Variants in EML6 observed in about 807,000 individuals in gnomAD.
EML6 encodes the protein EMAP like 6.
EML6 carries 154 observed loss-of-function variants against 240.1 expected under a neutral mutation model. The ratio of observed to expected loss-of-function variants is 0.64; its 90% CI spans 0.56 to 0.73. EML6 has a LOEUF of 0.73. Among genes scored for constraint, EML6 ranks in the 30% least tolerant of loss-of-function variants. EML6 has a pLI of 0.00. For missense variants in EML6, 2,964 were observed against 2,474.6 expected (o/e 1.20, Z -4.20); for synonymous variants, 1,148 against 899.0 (o/e 1.28, Z -4.95).
At chr2:54,834,323 A>G (rs1669022648) in intron 7 of EML6, among the ~76,000 whole-genome samples, 1 of 152,216 alleles carries the variant, frequency 6.6e-6, no homozygotes, top group South Asian at 2.1e-4. Flanking sequence ...TGGGTAAAAT[A>G]ATGAAGCTTG....
intron 9 of EML6, among the ~76,000 whole-genome samples, chr2:54,848,524 T>TACGCACACACACACACACACACACAC (rs1553395941): frequency 6.9e-6 from 1 of 145,744 alleles, no homozygotes; most frequent in African/African-American, 2.5e-5. Context: ...GCTTCCACAC[T>TACGCACACACACACACACACACACAC]ACACACACAC....
chr2:54,928,896 C>T (rs749344201), intron 28 of EML6, 145 bp downstream of exon 28: 75 of 986,516 alleles, frequency 7.6e-5, no homozygotes, highest in Non-Finnish European at 1.1e-4. Flanking sequence ...TGTACACAGG[C>T]TTAAGCTGAG....
At chr2:54,789,463 G>C (rs1157691333) in intron 2 of EML6, among the ~76,000 whole-genome samples, 2 of 126,116 alleles carry the variant, frequency 1.6e-5, no homozygotes, top group Admixed American at 1.0e-4. Flanking sequence ...GCAGTGAGCC[G>C]AGATTACGCC....
At chr2:54,783,018 C>G (rs1460590779) in intron 2 of EML6, among the ~76,000 whole-genome samples, 1 of 152,222 alleles carries the variant, frequency 6.6e-6, no homozygotes, top group Admixed American at 6.5e-5. Context: ...TTATTGCTGT[C>G]ATTGCCCAAT....
intron 12 of EML6, among the ~76,000 whole-genome samples, chr2:54,862,011 C>G (rs1670699067): frequency 6.6e-6 from 1 of 151,960 alleles, no homozygotes; most frequent in Non-Finnish European, 1.5e-5. Context: ...TTTAAAACTA[C>G]TCAATGAGTT....
At chr2:54,778,459 C>T (rs924950272) in intron 2 of EML6, among the ~76,000 whole-genome samples, 7 of 152,172 alleles carry the variant, frequency 4.6e-5, no homozygotes, top group Non-Finnish European at 7.3e-5. Context: ...CCTCAAAAGT[C>T]AGCTACGTTT....
chr2:54,846,918 G>A (rs1038118421), intron 8 of EML6, among the ~76,000 whole-genome samples: 2 of 97,008 alleles, frequency 2.1e-5, no homozygotes, highest in South Asian at 4.8e-4. Flanking sequence ...TTTGTATGAA[G>A]TAGTATTTTT....
Position 54,869,172 on chromosome 2 carries a change from G to T in EML6, c.2052-9G>T. The T allele has an allele frequency of 6.5e-7, 1 of 1,540,874 alleles. No homozygotes were observed. Among genetic ancestry groups the T allele is most frequent in the Non-Finnish European group, 8.8e-7 (1 of 1,138,836 alleles). Reference sequence around the variant, plus strand: ...CAACCACTATGCATTTCTTGGACCTGTGCTTCAGTTATAGAGGCTACGACT... The same window carrying T: ...CAACCACTATGCATTTCTTGGACCTTTGCTTCAGTTATAGAGGCTACGACT... On this transcript the variant is annotated splice_polypyrimidine_tract_variant and intron_variant, in intron 14 of 41. Transcript: ENST00000356458.
chr2:54,918,412 G>A (rs553080123), intron 26 of EML6, among the ~76,000 whole-genome samples: 10 of 152,242 alleles, frequency 6.6e-5, no homozygotes, highest in African/African-American at 1.9e-4. Flanking sequence ...ACAGTGGCAC[G>A]ATCACCGCTC....
At chr2:54,753,556 A>G (rs1684265877) in intron 2 of EML6, among the ~76,000 whole-genome samples, 1 of 152,170 alleles carries the variant, frequency 6.6e-6, no homozygotes, top group Admixed American at 6.5e-5. Context: ...TGAAGATGAA[A>G]GGGACCTGCT....
chr2:54,823,332 CT>C (rs1668417933), intron 5 of EML6, among the ~76,000 whole-genome samples: 1 of 152,084 alleles, frequency 6.6e-6, no homozygotes, highest in African/African-American at 2.4e-5. Flanking sequence ...GGTTGCACTT[CT>C]GTCAGGAGTT....
At chr2:54,755,342 G>A (rs1023990525) in intron 2 of EML6, among the ~76,000 whole-genome samples, 1 of 152,070 alleles carries the variant, frequency 6.6e-6, no homozygotes, top group Non-Finnish European at 1.5e-5. Flanking sequence ...AGTATTCTGC[G>A]TCCTTTGTAT....
Position 54,971,819 on chromosome 2 carries a change from T to C in EML6, c.*1724T>C, listed in dbSNP as rs1435547681. On this transcript the variant is annotated 3_prime_UTR_variant, in exon 42 of 42. Coordinates refer to ENST00000356458, the MANE Select transcript of EML6 (RefSeq NM_001039753.4). Reference sequence around the variant, plus strand: ...CGATTAATGATGACATGTACAACCATATTTAAAGAGCAATAGTGTCCGTGT... The same window carrying C: ...CGATTAATGATGACATGTACAACCACATTTAAAGAGCAATAGTGTCCGTGT... 1.3e-5 allele frequency: 2 copies of C among 152,232 alleles called. No homozygotes were observed. Among genetic ancestry groups the C allele is most frequent in the South Asian group, 2.1e-4 (1 of 4,832 alleles). 9.4% of individuals were successfully genotyped at this position (152,232 alleles called of 1,614,324 possible). A position where few individuals can be genotyped will look rare whatever the true frequency, so the allele number is the denominator to read the frequency against.
At chr2:54,828,983 A>G (rs1265028368) in intron 6 of EML6, among the ~76,000 whole-genome samples, 2 of 152,188 alleles carry the variant, frequency 1.3e-5, no homozygotes, top group Non-Finnish European at 2.9e-5. Context: ...TTAGGCAGCA[A>G]CTTCCATGAA....
At chr2:54,765,200 G>A (rs1355860484) in intron 2 of EML6, among the ~76,000 whole-genome samples, 3 of 152,120 alleles carry the variant, frequency 2.0e-5, no homozygotes, top group Non-Finnish European at 2.9e-5. Context: ...AACTTATTGT[G>A]TATAATTTAA....
At chr2:54,922,044 CA>C (rs1232179546) in intron 26 of EML6, among the ~76,000 whole-genome samples, 2 of 152,066 alleles carry the variant, frequency 1.3e-5, no homozygotes, top group African/African-American at 4.8e-5. Flanking sequence ...AGCCAAAGCA[CA>C]AGCAAAAACA....
Position 54,899,721 on chromosome 2 carries a change from A to C in EML6, c.3063A>C (p.Thr1021=), listed in dbSNP as rs1672956844. 5.8e-6 allele frequency: 9 copies of C among 1,552,006 alleles called. No individual in the cohort carries two copies. The highest frequency in any genetic ancestry group is 1.4e-5 in the African/African-American group (1 of 73,042). ...PICATVSDDK[T]LRIWELSAQH... ...GTGCAACAGTGAGCGATGATAAAAC[A>C]CTTCGCATCTGGGAACTATCTGCCC... Residue 1021 remains threonine, a synonymous_variant, in exon 22 of 42, where the codon ACA becomes ACC. Transcript: ENST00000356458.
intron 28 of EML6, among the ~76,000 whole-genome samples, chr2:54,943,862 G>A (rs1007527206): frequency 6.6e-6 from 1 of 152,200 alleles, no homozygotes. Context: ...ATTCCAGTGT[G>A]TATTTTATAG....
intron 26 of EML6, among the ~76,000 whole-genome samples, chr2:54,920,694 A>G (rs1040231099): frequency 4.6e-5 from 7 of 152,180 alleles, no homozygotes; most frequent in Admixed American, 3.3e-4. Flanking sequence ...TACCAAAACC[A>G]GATAAGGACA....
Sources: gnomAD v4.1 joint callset for allele counts (sites outside exome capture counted in the v4.1 genomes callset) on GRCh38, gnomAD v4.1.1 for gene constraint, MANE v1.5 for transcripts, NCBI Gene and HGNC (gene_info 2026-07-23, HGNC 2026-07-21) for gene names.